The following F7 variants were observed in gnomAD, a reference collection of about 807,000 sequenced individuals.
The protein encoded by F7 is FVII coagulation protein.
Under a neutral mutation model 47.5 loss-of-function variants are expected in F7, and 38 were observed. The ratio of observed to expected loss-of-function variants is 0.80; its 90% confidence interval spans 0.62 to 1.05. F7 has a LOEUF of 1.05. Ranked by LOEUF, F7 falls within the 50% of genes least tolerant of loss-of-function variation. The probability of loss-of-function intolerance (pLI) is 0.00; values close to 1 mark genes in which losing one functional copy is unlikely to be tolerated. For missense variants in F7, 575 were observed against 605.4 expected (o/e 0.95, Z 0.53); for synonymous variants, 244 against 258.5 (o/e 0.94, Z 0.54).
At chr13:113,106,526 GT>G (rs1391420412) in intron 1 of F7, among the ~76,000 whole-genome samples, 6 of 14,484 alleles carry the variant, frequency 4.1e-4, no homozygotes, top group East Asian at 1.7e-3. Flanking sequence ...GGGCATGGAG[GT>G]GTGGGGGATG....
At chr13:113,115,138 G>T (rs2036171426) in intron 4 of F7, among the ~76,000 whole-genome samples, 1 of 152,220 alleles carries the variant, frequency 6.6e-6, no homozygotes, top group Non-Finnish European at 1.5e-5. Context: ...CCTTGCCCAT[G>T]TCAACCAAAG....
chr13:113,110,948 G>A, intron 2 of F7, 98 bp downstream of exon 2: 1 of 1,378,556 alleles, frequency 7.3e-7, no homozygotes, highest in African/African-American at 1.5e-5. Context: ...TGCGGCTGTG[G>A]GCGGCGAACA....
intron 1 of F7, chr13:113,110,415 GCCCCCTT>G: frequency 2.5e-6 from 1 of 406,292 alleles, no homozygotes; most frequent in Non-Finnish European, 4.4e-6. Flanking sequence ...GGCGCCCGCA[GCCCCCTT>G]CGGCCCGGCT....
chr13:113,109,641 A>G (rs536978222), intron 1 of F7, among the ~76,000 whole-genome samples: 84 of 152,150 alleles, frequency 5.5e-4, no homozygotes, highest in Middle Eastern at 3.4e-3. Flanking sequence ...TCCCTCCGGA[A>G]CGCGCCTCCT....
chr13:113,109,582 C>T (rs1203114972), intron 1 of F7, among the ~76,000 whole-genome samples: 1 of 152,212 alleles, frequency 6.6e-6, no homozygotes, highest in East Asian at 1.9e-4. Flanking sequence ...GGCTCCTGCC[C>T]ACCGGCCCAC....
rs761346633 is a variant in F7 at position 113,118,982 on chromosome 13, G to T, written c.1309G>T (p.Val437Phe). ...CATGCGCTCAGAGCCACGCCCAGGA[G>T]TCCTCCTGCGAGCCCCATTTCCCTA... ...KLMRSEPRPG[V>F]LLRAPFP The change falls in exon 8 of 8, where the codon GTC becomes TTC. Residue 437 changes from valine (V) to phenylalanine (F), a missense_variant. By Grantham distance (50) the Val-to-Phe change is conservative (BLOSUM62 -1). Transcript: ENST00000346342. The T allele has an allele frequency of 6.2e-7, 1 of 1,601,066 alleles. No individual in the cohort carries two copies. Among genetic ancestry groups the T allele is most frequent in the Non-Finnish European group, 8.5e-7 (1 of 1,179,952 alleles).
Position 113,117,546 on chromosome 13 carries a change from C to T in F7, c.689C>T (p.Ala230Val). The T allele has an allele frequency of 1.2e-6, 2 of 1,614,162 alleles. No individual in the cohort carries two copies. The highest frequency in any genetic ancestry group is 1.7e-6 in the Non-Finnish European group (2 of 1,180,024). ...LINTIWVVSA[A>V]HCFDKIKNWR... ...AACACCATCTGGGTGGTCTCCGCGG[C>T]CCACTGTTTCGACAAAATCAAGAAC... The change falls in exon 7 of 8, where the codon GCC becomes GTC. Residue 230 changes from alanine (A) to valine (V), a missense_variant. Physicochemically the swap from Ala to Val is moderately conservative, Grantham distance 64. Coordinates refer to ENST00000346342, the MANE Select transcript of F7 (RefSeq NM_019616.4).
Position 113,113,741 on chromosome 13 carries a change from T to C in F7, c.226-11T>C, listed in dbSNP as rs1459332021. ...GTGCATCTCACGAGGCTTGCTCTCT[T>C]GTTCCTTCAGAAGCTGTTCTGGATT... On this transcript the variant is annotated splice_polypyrimidine_tract_variant and intron_variant, in intron 2 of 7. Transcript: ENST00000346342. This position sits in a 1 kb window ranked among gnomAD's most constrained non-coding sequence, Gnocchi z 4.1. 1.2e-6 allele frequency: 2 copies of C among 1,614,062 alleles called. No homozygotes were observed. Among genetic ancestry groups the C allele is most frequent in the East Asian group, 4.5e-5 (2 of 44,876 alleles).
intron 4 of F7, among the ~76,000 whole-genome samples, chr13:113,115,181 C>A (rs555204324): frequency 2.0e-5 from 3 of 152,190 alleles, no homozygotes; most frequent in Non-Finnish European, 4.4e-5. Context: ...TCTGTCTGAG[C>A]CCATGACCAG....
In F7 at chr13:113,118,396, G is replaced by A; in HGVS notation, c.740-17G>A. ...GCAGGTGGTGGAAAGGGCCTGAGGG[G>A]GGCTTCTTCCTTCCAGGCGAGCACG... On this transcript the variant is annotated splice_polypyrimidine_tract_variant and intron_variant, in intron 7 of 7. Transcript: ENST00000346342. 4 of 1,581,772 alleles carry A rather than the reference G, an allele frequency of 2.5e-6. No homozygotes were observed. The highest frequency in any genetic ancestry group is 3.4e-6 in the Non-Finnish European group (4 of 1,164,970).
chr13:113,111,423 ACT>A (rs1491478010), intron 2 of F7, among the ~76,000 whole-genome samples: 19 of 88,530 alleles, frequency 2.1e-4, no homozygotes, highest in Admixed American at 1.1e-3. Flanking sequence ...GACACCTCAC[ACT>A]CACAGGGCAC....
intron 1 of F7, among the ~76,000 whole-genome samples, chr13:113,107,311 G>A (rs1595067324): frequency 1.8e-5 from 2 of 112,376 alleles, no homozygotes; most frequent in African/African-American, 3.5e-5. Context: ...TCCCGGGGGC[G>A]TGGGTGTCCC....
At chr13:113,117,202 GC>G (rs2036208879) in intron 6 of F7, among the ~76,000 whole-genome samples, 1 of 152,248 alleles carries the variant, frequency 6.6e-6, no homozygotes. Flanking sequence ...TTGGATCAAA[GC>G]TATGTGAAGA....
intron 6 of F7, 151 bp downstream of exon 6, chr13:113,117,026 C>A (rs770535863): frequency 2.8e-6 from 2 of 724,846 alleles, no homozygotes; most frequent in East Asian, 2.7e-5. Context: ...GCTCGCGGCA[C>A]CCCCATGCTT....
Position 113,115,643 on chromosome 13 carries a change from C to T in F7, c.365-17C>T, listed in dbSNP as rs2036179946. ...CCCCCAGAAGCCCCTCTCAGGGTGT[C>T]CCCTTCCTGTCCCCAGACAAGGATG... On this transcript the variant is annotated splice_polypyrimidine_tract_variant and intron_variant, in intron 4 of 7. Coordinates refer to ENST00000346342, the MANE Select transcript of F7 (RefSeq NM_019616.4). The T allele has an allele frequency of 6.2e-7, 1 of 1,611,592 alleles. No individual in the cohort carries two copies. The highest frequency in any genetic ancestry group is 1.3e-5 in the African/African-American group (1 of 75,008).
chr13:113,118,284 C>A, intron 7 of F7, 129 bp from the exon 8 acceptor site: 1 of 1,063,838 alleles, frequency 9.4e-7, no homozygotes, highest in Non-Finnish European at 1.3e-6. Flanking sequence ...GGGTTAGATG[C>A]AGGTCCCCTT....
chr13:113,110,391 C>T, intron 1 of F7: 1 of 356,048 alleles, frequency 2.8e-6, no homozygotes, highest in Non-Finnish European at 5.1e-6. Flanking sequence ...CCCGCAGCCT[C>T]ACGTTTACGC....
chr13:113,116,617 AC>A, intron 5 of F7, 148 bp from the exon 6 acceptor site: 1 of 672,906 alleles, frequency 1.5e-6, no homozygotes, highest in South Asian at 1.8e-5. Context: ...GCCTTCCACC[AC>A]CCCTGGGCCC....
At position 113,119,092 on chromosome 13, in the gene F7, A is replaced by C. The variant is rs2142235242; in HGVS notation, c.*84A>C. The C allele has an allele frequency of 7.9e-7, 1 of 1,263,576 alleles. No homozygotes were observed. Among genetic ancestry groups the C allele is most frequent in the Non-Finnish European group, 1.1e-6 (1 of 897,264 alleles). The allele number at this position is 1,263,576 out of a possible 1,614,324, so 78.3% of individuals were successfully genotyped here. On this transcript the variant is annotated 3_prime_UTR_variant, in exon 8 of 8. Transcript: ENST00000346342. ...AAATCCCATATATTCTTCTGCAGTT[A>C]ATGGGGTAGAGGAGGGCATGGGAGG...
Sources: allele counts gnomAD v4.1 joint callset (sites outside exome capture counted in the v4.1 genomes callset), GRCh38; gene constraint gnomAD v4.1.1; non-coding constraint Gnocchi (gnomAD v3.1); transcripts MANE v1.5; gene names NCBI Gene and HGNC (gene_info 2026-07-23, HGNC 2026-07-21).